Variants in CADPS2 observed in about 807,000 individuals in gnomAD.
The protein encoded by CADPS2 is calcium dependent secretion activator 2.
A neutral mutation model predicts 172.5 loss-of-function variants in CADPS2; 93 were observed. That is an observed-to-expected ratio of 0.54 (90% CI 0.46 to 0.64). CADPS2 has a LOEUF of 0.64. CADPS2 is among the 30% of genes least tolerant of loss of function. CADPS2 has a pLI of 0.00. For synonymous variants in CADPS2, 546 were observed against 555.2 expected (o/e 0.98, Z 0.23); for missense variants, 1,420 against 1,565.9 (o/e 0.91, Z 1.57).
At position 122,848,109 on chromosome 7, in the gene CADPS2, T is replaced by A. The variant is rs570076426; in HGVS notation, c.339+37890A>T. Among the ~76,000 whole-genome samples, 6 of 152,330 alleles carry A rather than the reference T, an allele frequency of 3.9e-5. No individual in the cohort carries two copies. In the South Asian group the frequency reaches 8.3e-4, roughly 21 times the overall value. On this transcript the variant is annotated intron_variant, in intron 1 of 29. Coordinates refer to ENST00000449022, the MANE Select transcript of CADPS2 (RefSeq NM_017954.11). ...TGCAATATTTTGCCTATAGCTAATG[T>A]CTTAATCTTATTAGAATACTCAACA...
At chr7:122,381,856 C>T (rs1481626942) in intron 24 of CADPS2, among the ~76,000 whole-genome samples, 1 of 152,042 alleles carries the variant, frequency 6.6e-6, no homozygotes, top group Admixed American at 6.6e-5. Context: ...AAATTTAATA[C>T]CCAAGGGGTA....
At chr7:122,850,627 C>T (rs555450340) in intron 1 of CADPS2, among the ~76,000 whole-genome samples, 4 of 152,244 alleles carry the variant, frequency 2.6e-5, no homozygotes, top group Non-Finnish European at 5.9e-5. Flanking sequence ...TTCCCCTATC[C>T]TGATGGTCAG....
chr7:122,560,998 T>C (rs1009214637), intron 7 of CADPS2, among the ~76,000 whole-genome samples: 1 of 152,152 alleles, frequency 6.6e-6, no homozygotes, highest in Admixed American at 6.6e-5. Flanking sequence ...TCTATATTAT[T>C]CCTTAGTAAC....
At chr7:122,721,598 T>C (rs1408663409) in intron 2 of CADPS2, among the ~76,000 whole-genome samples, 2 of 152,168 alleles carry the variant, frequency 1.3e-5, no homozygotes, top group Non-Finnish European at 1.5e-5. Flanking sequence ...ACAGCCGAAT[T>C]CTACCAGAGG....
In CADPS2 at chr7:122,701,895, C is replaced by CA. The variant is rs1344334322; in HGVS notation, c.453+35059dup. ...GTCCTATGGGCTAAAAGCCAGGGGT[C>CA]AATGCATGCCTTATGGAAAAAATGT... On this transcript the variant is annotated intron_variant, in intron 2 of 29. Coordinates refer to ENST00000449022, the MANE Select transcript of CADPS2 (RefSeq NM_017954.11). The CA allele has an allele frequency of 1.9e-6, 3 of 1,613,518 alleles. No individual in the cohort carries two copies. The East Asian group carries it at 6.7e-5, about 36-fold the overall frequency.
intron 1 of CADPS2, among the ~76,000 whole-genome samples, chr7:122,838,881 C>A (rs747697439): frequency 6.6e-6 from 1 of 152,152 alleles, no homozygotes; most frequent in African/African-American, 2.4e-5. Context: ...TCAATGCCCT[C>A]CCCATCAAGT....
intron 8 of CADPS2, among the ~76,000 whole-genome samples, chr7:122,526,535 C>T (rs2061252844): frequency 6.6e-6 from 1 of 152,054 alleles, no homozygotes; most frequent in Admixed American, 6.6e-5. Flanking sequence ...CGAAGAACTC[C>T]TCTGTACAAA....
intron 6 of CADPS2, among the ~76,000 whole-genome samples, chr7:122,598,359 A>C (rs541499378): frequency 6.6e-4 from 101 of 152,198 alleles, no homozygotes; most frequent in Admixed American, 4.8e-3. Flanking sequence ...TCTAGCTTAC[A>C]TTTAAAAAGT....
intron 10 of CADPS2, 90 bp from the exon 11 acceptor site, chr7:122,490,371 G>T (rs1265956637): frequency 2.4e-5 from 22 of 930,642 alleles, no homozygotes; most frequent in Non-Finnish European, 3.1e-5. Context: ...GAAAAGAATG[G>T]CTTTGATATT....
chr7:122,744,170 CT>C (rs2092620233), intron 1 of CADPS2, among the ~76,000 whole-genome samples: 1 of 152,270 alleles, frequency 6.6e-6, no homozygotes, highest in Non-Finnish European at 1.5e-5. Context: ...GCTTCTTTCT[CT>C]TTTTTCTTTT....
At chr7:122,721,638 GA>G (rs1285613156) in intron 2 of CADPS2, among the ~76,000 whole-genome samples, 2 of 152,018 alleles carry the variant, frequency 1.3e-5, no homozygotes, top group Non-Finnish European at 2.9e-5. Context: ...CATTCCTTCC[GA>G]AACTATTCCA....
chr7:122,489,044 A>G (rs1481615883), intron 11 of CADPS2, among the ~76,000 whole-genome samples: 1 of 152,182 alleles, frequency 6.6e-6, no homozygotes, highest in Non-Finnish European at 1.5e-5. Flanking sequence ...ACTAATTTTA[A>G]AGAAGAAATT....
intron 1 of CADPS2, among the ~76,000 whole-genome samples, chr7:122,803,974 GAAAAAAAAAAAA>G (rs869246600): frequency 0.024 from 2,072 of 85,170 alleles, 151 homozygotes; most frequent in Admixed American, 0.19. Flanking sequence ...GGCTTGAATG[GAAAAAAAAAAAA>G]AAAAAAAAAA....
At chr7:122,697,570 C>G in intron 2 of CADPS2, 1 of 481,036 alleles carries the variant, frequency 2.1e-6, no homozygotes, top group East Asian at 3.3e-5. Context: ...GAGTAACATA[C>G]ATTGACAAAA....
intron 2 of CADPS2, chr7:122,702,747 T>C: frequency 6.3e-7 from 1 of 1,594,232 alleles, no homozygotes; most frequent in Non-Finnish European, 8.5e-7. Flanking sequence ...CTAAGGAAGC[T>C]CATGCCTCCA....
intron 17 of CADPS2, among the ~76,000 whole-genome samples, chr7:122,422,792 TAA>T (rs35816048): frequency 0.051 from 6,738 of 132,810 alleles, 445 homozygotes; most frequent in African/African-American, 0.17. Flanking sequence ...CCGTCTCTAT[TAA>T]AAAAAAAAAA....
intron 2 of CADPS2, among the ~76,000 whole-genome samples, chr7:122,674,834 C>T (rs2135657696): frequency 6.6e-6 from 1 of 152,278 alleles, no homozygotes; most frequent in East Asian, 1.9e-4. Flanking sequence ...TAAGACATGC[C>T]TTTTTCTCCT....
intron 1 of CADPS2, among the ~76,000 whole-genome samples, chr7:122,882,782 T>C (rs1048207755): frequency 8.5e-5 from 13 of 152,124 alleles, no homozygotes; most frequent in African/African-American, 3.1e-4. Flanking sequence ...TTAATCATCA[T>C]TGTTAGCACT....
intron 6 of CADPS2, among the ~76,000 whole-genome samples, chr7:122,591,012 TG>T (rs1361992064): frequency 6.6e-6 from 1 of 151,964 alleles, no homozygotes; most frequent in African/African-American, 2.4e-5. Context: ...TCATTGTTGT[TG>T]ACATACTATA....
Sources: allele counts gnomAD v4.1 joint callset (sites outside exome capture counted in the v4.1 genomes callset), GRCh38; gene constraint gnomAD v4.1.1; transcripts MANE v1.5; gene names NCBI Gene and HGNC (gene_info 2026-07-23, HGNC 2026-07-21).